ANKS1B: variants seen among roughly 807,000 people sequenced by gnomAD.
ANKS1B encodes the protein ankyrin repeat and sterile alpha motif domain-containing protein 1B.
A neutral mutation model predicts 148.3 loss-of-function variants in ANKS1B; 36 were observed. The observed-to-expected ratio is 0.24, with a 90% CI of 0.19 to 0.32. The LOEUF (loss-of-function observed/expected upper bound fraction) is 0.32. ANKS1B is among the 10% of genes least tolerant of loss of function. ANKS1B has a pLI of 1.00. For missense variants in ANKS1B, 1,157 were observed against 1,542.6 expected, an observed-to-expected ratio of 0.75 and a Z score of 4.19; for synonymous variants, 542 against 560.8, an observed-to-expected ratio of 0.97 and a Z score of 0.47.
chr12:98,939,053 G>A (rs1207597674), intron 17 of ANKS1B, among the ~76,000 whole-genome samples: 1 of 152,176 alleles, frequency 6.6e-6, no homozygotes, highest in Non-Finnish European at 1.5e-5. Context: ...CCTTGAGACT[G>A]TTACAGATAG....
At chr12:99,304,199 G>A (rs763198823) in intron 12 of ANKS1B, among the ~76,000 whole-genome samples, 27 of 151,926 alleles carry the variant, frequency 1.8e-4, no homozygotes, top group African/African-American at 6.3e-4. Flanking sequence ...TACTGTTTTC[G>A]GTAGTGGTTG....
intron 10 of ANKS1B, among the ~76,000 whole-genome samples, chr12:99,461,099 A>G (rs991691540): frequency 2.0e-5 from 3 of 151,806 alleles, no homozygotes; most frequent in Non-Finnish European, 4.4e-5. Context: ...CTACTTAGCC[A>G]TAAAAAGGAA....
intron 1 of ANKS1B, among the ~76,000 whole-genome samples, chr12:99,926,740 C>A (rs555938299): frequency 6.6e-6 from 1 of 152,304 alleles, no homozygotes; most frequent in Admixed American, 6.5e-5. Context: ...ATACACACTG[C>A]AAATGACCTC....
chr12:99,443,093 A>G (rs1022414102), intron 11 of ANKS1B, among the ~76,000 whole-genome samples: 5 of 151,918 alleles, frequency 3.3e-5, no homozygotes, highest in African/African-American at 1.2e-4. Context: ...ACTGAAAGAG[A>G]AGGGAGAAAA....
At chr12:99,149,727 T>C (rs2074314222) in intron 15 of ANKS1B, among the ~76,000 whole-genome samples, 2 of 152,172 alleles carry the variant, frequency 1.3e-5, no homozygotes, top group Admixed American at 1.3e-4. Flanking sequence ...ACTATGAATC[T>C]ACCATAACAT....
chr12:98,745,962 C>T, intron 26 of ANKS1B, 113 bp from the exon 27 acceptor site: 1 of 1,165,592 alleles, frequency 8.6e-7, no homozygotes, highest in Non-Finnish European at 1.2e-6. Flanking sequence ...CGCGGGGCGG[C>T]GATGCTGGTC....
intron 10 of ANKS1B, among the ~76,000 whole-genome samples, chr12:99,495,766 C>G (rs751898767): frequency 1.3e-5 from 2 of 152,140 alleles, no homozygotes; most frequent in Non-Finnish European, 2.9e-5. Flanking sequence ...TTGACACTAC[C>G]CACTTGCTCA....
intron 14 of ANKS1B, among the ~76,000 whole-genome samples, chr12:99,214,387 G>C (rs894077239): frequency 6.6e-6 from 1 of 152,138 alleles, no homozygotes; most frequent in African/African-American, 2.4e-5. Context: ...ATCCCCATGT[G>C]TCATGGGAGG....
At chr12:99,502,157 T>C (rs1325296609) in intron 10 of ANKS1B, among the ~76,000 whole-genome samples, 2 of 152,130 alleles carry the variant, frequency 1.3e-5, no homozygotes, top group Admixed American at 6.6e-5. Flanking sequence ...CACCTGATAT[T>C]CCCCTACCCT....
At chr12:99,021,286 T>C (rs1305413959) in intron 17 of ANKS1B, among the ~76,000 whole-genome samples, 1 of 152,148 alleles carries the variant, frequency 6.6e-6, no homozygotes, top group Non-Finnish European at 1.5e-5. Context: ...AGTATCAATA[T>C]AATTTTAGCA....
At chr12:99,776,738 G>A (rs2063689699) in intron 6 of ANKS1B, among the ~76,000 whole-genome samples, 1 of 152,046 alleles carries the variant, frequency 6.6e-6, no homozygotes, top group South Asian at 2.1e-4. Context: ...GGAGTGCAGT[G>A]GTGCAATCTT....
intron 14 of ANKS1B, among the ~76,000 whole-genome samples, chr12:99,159,578 G>T (rs895690646): frequency 6.6e-6 from 1 of 152,062 alleles, no homozygotes; most frequent in African/African-American, 2.4e-5. Flanking sequence ...TTTTATGGAT[G>T]CATAGTATTC....
chr12:98,970,483 T>C (rs960878986), intron 17 of ANKS1B, among the ~76,000 whole-genome samples: 7 of 152,200 alleles, frequency 4.6e-5, no homozygotes, highest in African/African-American at 1.2e-4. Context: ...TGAATGAAAA[T>C]AGAAATGATA....
intron 16 of ANKS1B, among the ~76,000 whole-genome samples, chr12:99,080,379 T>G (rs1005302417): frequency 6.6e-6 from 1 of 152,156 alleles, no homozygotes; most frequent in Admixed American, 6.6e-5. Context: ...ACTCAAGCCC[T>G]TGAGGGATTA....
At chr12:98,823,239 G>C (rs1318197626) in intron 19 of ANKS1B, among the ~76,000 whole-genome samples, 1 of 152,172 alleles carries the variant, frequency 6.6e-6, no homozygotes, top group Non-Finnish European at 1.5e-5. Flanking sequence ...GGAAGCTCCT[G>C]ACGGAAGAGC....
At chr12:98,901,322 A>C (rs1327933051) in intron 17 of ANKS1B, among the ~76,000 whole-genome samples, 2 of 152,220 alleles carry the variant, frequency 1.3e-5, no homozygotes, top group African/African-American at 2.4e-5. Flanking sequence ...GCCTGGGTGG[A>C]TTATCTTCAA....
chr12:99,067,805 C>T (rs2044859930), intron 16 of ANKS1B, among the ~76,000 whole-genome samples: 1 of 151,972 alleles, frequency 6.6e-6, no homozygotes, highest in Non-Finnish European at 1.5e-5. Flanking sequence ...GAACAGCAGT[C>T]ACAACAAAAA....
intron 9 of ANKS1B, among the ~76,000 whole-genome samples, chr12:99,615,404 A>G (rs1274067894): frequency 6.6e-6 from 1 of 152,198 alleles, no homozygotes. Context: ...AGGCAACAAA[A>G]TATCACTTTC....
At chr12:98,849,073 G>A (rs1291326046) in intron 17 of ANKS1B, among the ~76,000 whole-genome samples, 2 of 151,932 alleles carry the variant, frequency 1.3e-5, no homozygotes, top group Non-Finnish European at 2.9e-5. Context: ...TTTTTTAAAG[G>A]CCAAAGTTCA....
Sources: allele counts gnomAD v4.1 joint callset (sites outside exome capture counted in the v4.1 genomes callset), GRCh38; gene constraint gnomAD v4.1.1; transcripts MANE v1.5; gene names NCBI Gene and HGNC (gene_info 2026-07-23, HGNC 2026-07-21).